Variants in PTPRO observed in about 807,000 individuals in gnomAD.
PTPRO encodes the protein receptor-type tyrosine-protein phosphatase O.
PTPRO carries 62 observed loss-of-function variants against 145.2 expected under a neutral mutation model. That is an observed-to-expected ratio of 0.43 (90% CI 0.35 to 0.53). The LOEUF is 0.53. PTPRO is among the 20% of genes least tolerant of loss of function. The probability of loss-of-function intolerance (pLI) is 0.01; values close to 1 mark genes in which losing one functional copy is unlikely to be tolerated. For synonymous variants in PTPRO, 565 were observed against 514.7 expected (o/e 1.10, Z -1.32); for missense variants, 1,345 against 1,482.7 (o/e 0.91, Z 1.53).
chr12:15,519,361 A>G (rs911471335), intron 9 of PTPRO, among the ~76,000 whole-genome samples: 10 of 152,188 alleles, frequency 6.6e-5, no homozygotes, highest in Non-Finnish European at 1.5e-4. Flanking sequence ...CAGCCAAACC[A>G]TATCACATAG....
At chr12:15,579,101 C>T (rs1944252223) in intron 20 of PTPRO, among the ~76,000 whole-genome samples, 158 bp downstream of exon 20, 1 of 152,162 alleles carries the variant, frequency 6.6e-6, no homozygotes, top group African/African-American at 2.4e-5. Flanking sequence ...CCTTTGATGT[C>T]TTTAGATCTT....
chr12:15,494,327 T>G (rs1166134893), intron 2 of PTPRO, among the ~76,000 whole-genome samples: 1 of 152,150 alleles, frequency 6.6e-6, no homozygotes, highest in Non-Finnish European at 1.5e-5. Context: ...AAAAGGGAAG[T>G]ACAATGGAGT....
At chr12:15,411,584 T>C (rs2136313323) in intron 1 of PTPRO, among the ~76,000 whole-genome samples, 1 of 152,354 alleles carries the variant, frequency 6.6e-6, no homozygotes, top group Admixed American at 6.5e-5. Context: ...TGATACAGAA[T>C]GCTGTCATAC....
At chr12:15,342,769 TGCCTTGAAAACTAA>T (rs1867046076) in intron 1 of PTPRO, among the ~76,000 whole-genome samples, 1 of 152,308 alleles carries the variant, frequency 6.6e-6, no homozygotes, top group African/African-American at 2.4e-5. Context: ...AATCTTCCCA[TGCCTTGAAAACTAA>T]GCCTTTCTTA....
intron 7 of PTPRO, among the ~76,000 whole-genome samples, 157 bp from the exon 8 acceptor site, chr12:15,515,341 A>G (rs1405712349): frequency 6.6e-6 from 1 of 152,156 alleles, no homozygotes; most frequent in Non-Finnish European, 1.5e-5. Flanking sequence ...TAAACTATAA[A>G]TCATCCTAAT....
chr12:15,345,970 TTCTTCCAG>T (rs563131972), intron 1 of PTPRO, among the ~76,000 whole-genome samples: 71 of 152,296 alleles, frequency 4.7e-4, no homozygotes, highest in Non-Finnish European at 9.6e-4. Context: ...GTTTTATAAA[TTCTTCCAG>T]TCATTTAGTG....
At chr12:15,494,412 T>C (rs1313081374) in intron 2 of PTPRO, among the ~76,000 whole-genome samples, 1 of 152,338 alleles carries the variant, frequency 6.6e-6, no homozygotes, top group East Asian at 1.9e-4. Flanking sequence ...TTAGTAACTA[T>C]AGCTCTAGTT....
At chr12:15,541,812 T>C (rs916710772) in intron 12 of PTPRO, among the ~76,000 whole-genome samples, 1 of 152,062 alleles carries the variant, frequency 6.6e-6, no homozygotes. Flanking sequence ...AGGAGTTCGA[T>C]ACCAGCCTGG....
chr12:15,409,535 C>A (rs1939736781), intron 1 of PTPRO, among the ~76,000 whole-genome samples: 1 of 152,132 alleles, frequency 6.6e-6, no homozygotes, highest in Non-Finnish European at 1.5e-5. Flanking sequence ...TTAGGCTATT[C>A]TTACATTGCT....
At chr12:15,555,642 G>A (rs1943601474) in intron 15 of PTPRO, among the ~76,000 whole-genome samples, 1 of 152,174 alleles carries the variant, frequency 6.6e-6, no homozygotes, top group Admixed American at 6.5e-5. Flanking sequence ...TGGTATTTCT[G>A]AGCATTTTTT....
intron 5 of PTPRO, among the ~76,000 whole-genome samples, chr12:15,503,413 T>A (rs781055632): frequency 3.3e-5 from 5 of 152,324 alleles, no homozygotes; most frequent in Non-Finnish European, 7.4e-5. Context: ...ATTATTTTTT[T>A]AATTTTACTT....
At chr12:15,512,071 A>T (rs1435112647) in intron 7 of PTPRO, among the ~76,000 whole-genome samples, 1 of 152,038 alleles carries the variant, frequency 6.6e-6, no homozygotes, top group Non-Finnish European at 1.5e-5. Flanking sequence ...TCAGATGTCT[A>T]CAATGTGTTA....
chr12:15,454,332 A>G (rs1351966834), intron 1 of PTPRO, among the ~76,000 whole-genome samples: 2 of 152,168 alleles, frequency 1.3e-5, no homozygotes, highest in East Asian at 1.9e-4. Context: ...GCATTTTTCC[A>G]TAAGGTTTTT....
At chr12:15,474,155 G>A (rs760341099) in intron 1 of PTPRO, among the ~76,000 whole-genome samples, 2 of 152,158 alleles carry the variant, frequency 1.3e-5, no homozygotes, top group Non-Finnish European at 2.9e-5. Context: ...AAACAAATGA[G>A]CACATAGCCT....
chr12:15,419,166 C>G (rs1350190773), intron 1 of PTPRO, among the ~76,000 whole-genome samples: 2 of 150,376 alleles, frequency 1.3e-5, no homozygotes, highest in Non-Finnish European at 2.9e-5. Context: ...AGCAGATATT[C>G]ATGCGCTTAT....
intron 1 of PTPRO, among the ~76,000 whole-genome samples, chr12:15,428,222 T>A (rs1302108540): frequency 6.6e-6 from 1 of 152,160 alleles, no homozygotes; most frequent in Admixed American, 6.6e-5. Flanking sequence ...AGCATCACTG[T>A]TTTCAGAACT....
intron 24 of PTPRO, among the ~76,000 whole-genome samples, chr12:15,588,276 G>A (rs534913808): frequency 4.6e-5 from 7 of 152,150 alleles, no homozygotes; most frequent in Non-Finnish European, 8.8e-5. Flanking sequence ...AGTAGAAAAA[G>A]CAACCCTTAA....
chr12:15,476,809 T>C (rs900697109), intron 1 of PTPRO, among the ~76,000 whole-genome samples: 4 of 147,018 alleles, frequency 2.7e-5, no homozygotes, highest in Non-Finnish European at 6.0e-5. Context: ...AGATATCATC[T>C]CACACCAGTT....
At chr12:15,403,937 C>G (rs539738975) in intron 1 of PTPRO, among the ~76,000 whole-genome samples, 7 of 152,098 alleles carry the variant, frequency 4.6e-5, no homozygotes, top group African/African-American at 1.7e-4. Context: ...GTGGCTCACA[C>G]CTGTAATTCC....
Sources: gnomAD v4.1 joint callset for allele counts (sites outside exome capture counted in the v4.1 genomes callset) on GRCh38, gnomAD v4.1.1 for gene constraint, MANE v1.5 for transcripts, NCBI Gene and HGNC (gene_info 2026-07-23, HGNC 2026-07-21) for gene names.